NDST3: variants seen among roughly 807,000 people sequenced by gnomAD.
NDST3 encodes the protein N-deacetylase and N-sulfotransferase 3.
Under a neutral mutation model 96.1 loss-of-function variants are expected in NDST3, and 58 were observed. The ratio of observed to expected loss-of-function variants is 0.60; its 90% CI spans 0.49 to 0.75. The LOEUF (loss-of-function observed/expected upper bound fraction) is 0.75, where lower values mean the gene tolerates loss of function less well. Ranked by LOEUF, NDST3 falls within the 30% of genes least tolerant of loss-of-function variation. The pLI is 0.00. For synonymous variants in NDST3, 333 were observed against 359.7 expected (o/e 0.93, Z 0.84); for missense variants, 788 against 1,034.2 (o/e 0.76, Z 3.27).
intron 6 of NDST3, among the ~76,000 whole-genome samples, chr4:118,221,160 A>C (rs912421007): frequency 2.6e-5 from 4 of 152,040 alleles, no homozygotes; most frequent in African/African-American, 9.7e-5. Context: ...TTTTGAACCT[A>C]TGGTCACCCA....
intron 11 of NDST3, among the ~76,000 whole-genome samples, chr4:118,241,332 G>A (rs1368812082): frequency 2.0e-5 from 3 of 152,202 alleles, no homozygotes; most frequent in Non-Finnish European, 4.4e-5. Context: ...AGACCCAGCA[G>A]CTATAGAACA....
At chr4:118,137,310 AC>A (rs1172273891) in intron 4 of NDST3, among the ~76,000 whole-genome samples, 1 of 152,230 alleles carries the variant, frequency 6.6e-6, no homozygotes, top group East Asian at 1.9e-4. Context: ...TCTAAAAGAC[AC>A]GTTTCATTTT....
intron 6 of NDST3, 91 bp downstream of exon 6, chr4:118,143,775 A>G (rs1241073015): frequency 5.9e-6 from 8 of 1,364,806 alleles, no homozygotes; most frequent in Non-Finnish European, 7.8e-6. Flanking sequence ...GGCAGTCATC[A>G]GCCAAGCCAA....
At chr4:118,186,274 T>TA (rs1368494529) in intron 6 of NDST3, among the ~76,000 whole-genome samples, 3 of 152,162 alleles carry the variant, frequency 2.0e-5, no homozygotes, top group Non-Finnish European at 2.9e-5. Context: ...TAATTTTCTT[T>TA]AAAAAAATTC....
intron 6 of NDST3, among the ~76,000 whole-genome samples, chr4:118,177,162 G>C (rs1428122129): frequency 2.0e-5 from 3 of 151,946 alleles, no homozygotes; most frequent in Non-Finnish European, 2.9e-5. Context: ...AGTCTCACAG[G>C]GTTGTGGCAA....
At chr4:118,158,967 A>C (rs1381486057) in intron 6 of NDST3, among the ~76,000 whole-genome samples, 1 of 152,192 alleles carries the variant, frequency 6.6e-6, no homozygotes, top group Non-Finnish European at 1.5e-5. Flanking sequence ...AACCAGCTGC[A>C]TAGAGGCCAG....
At chr4:118,058,594 A>AGTGTGTGTGT (rs59628763) in intron 2 of NDST3, among the ~76,000 whole-genome samples, 12 of 81,050 alleles carry the variant, frequency 1.5e-4, no homozygotes, top group Admixed American at 5.4e-4. Context: ...AGTCAGGAAA[A>AGTGTGTGTGT]GTGTGTGTGT....
intron 6 of NDST3, 62 bp downstream of exon 6, chr4:118,143,746 G>A: frequency 1.3e-6 from 2 of 1,523,682 alleles, no homozygotes; most frequent in Non-Finnish European, 1.8e-6. Context: ...AATTACCCTG[G>A]CAAAGAGGCT....
chr4:118,205,478 T>C (rs1363762340), intron 6 of NDST3, among the ~76,000 whole-genome samples: 1 of 144,856 alleles, frequency 6.9e-6, no homozygotes, highest in Non-Finnish European at 1.5e-5. Flanking sequence ...TGTGCTCTAA[T>C]ACATTGACAC....
intron 4 of NDST3, among the ~76,000 whole-genome samples, chr4:118,117,933 G>A (rs965085753): frequency 6.6e-6 from 1 of 152,090 alleles, no homozygotes; most frequent in Non-Finnish European, 1.5e-5. Context: ...GAACTCACAG[G>A]GCAACTTTTC....
At chr4:118,060,007 T>A (rs1468282041) in intron 2 of NDST3, among the ~76,000 whole-genome samples, 1 of 152,124 alleles carries the variant, frequency 6.6e-6, no homozygotes, top group African/African-American at 2.4e-5. Flanking sequence ...ATTTACTTTA[T>A]AACTGGATAC....
At chr4:118,121,155 T>C (rs539860232) in intron 4 of NDST3, among the ~76,000 whole-genome samples, 2 of 152,326 alleles carry the variant, frequency 1.3e-5, no homozygotes, top group East Asian at 3.9e-4. Flanking sequence ...CTTTATATCT[T>C]TCCTAGCTTT....
At chr4:118,162,188 C>G (rs952349082) in intron 6 of NDST3, among the ~76,000 whole-genome samples, 1 of 152,108 alleles carries the variant, frequency 6.6e-6, no homozygotes, top group African/African-American at 2.4e-5. Context: ...AGGTAATTTA[C>G]AGATTCAATG....
At chr4:118,201,543 T>G (rs1738087015) in intron 6 of NDST3, among the ~76,000 whole-genome samples, 1 of 152,268 alleles carries the variant, frequency 6.6e-6, no homozygotes, top group Admixed American at 6.5e-5. Flanking sequence ...TTAGTGATGC[T>G]GAGCATTTTT....
Position 118,212,739 on chromosome 4 carries a change from G to A in NDST3, c.1540-11752G>A, listed in dbSNP as rs1738886641. Among the ~76,000 whole-genome samples, 3 of 152,086 alleles carry A rather than the reference G, an allele frequency of 2.0e-5. No individual in the cohort carries two copies. The South Asian group carries it at 6.2e-4, about 32-fold the overall frequency. ...TGGCTGACTTATTTTTTCTATACAT[G>A]AGGAAAGAACCAAATGAGCTCCAAA... On this transcript the variant is annotated intron_variant, in intron 6 of 13. Transcript: ENST00000296499.
chr4:118,176,505 C>T lies in NDST3; in HGVS notation c.1539+32821C>T, dbSNP rs562961140. ...CTTCTCAACCTGGGAGAATTAAGCC[C>T]TAATGCTCTTATGAATCCATTGCAC... On this transcript the variant is annotated intron_variant, in intron 6 of 13. Coordinates refer to ENST00000296499, the MANE Select transcript of NDST3 (RefSeq NM_004784.3). Among the ~76,000 whole-genome samples the T allele has an allele frequency of 4.7e-4, 72 of 152,188 alleles. 1 individual carries two copies. Among genetic ancestry groups the T allele is most frequent in the Non-Finnish European group, 9.0e-4 (61 of 67,982 alleles).
At chr4:118,215,503 C>G (rs781469169) in intron 6 of NDST3, among the ~76,000 whole-genome samples, 1 of 152,062 alleles carries the variant, frequency 6.6e-6, no homozygotes, top group Non-Finnish European at 1.5e-5. Flanking sequence ...GTAAAGTCAG[C>G]ACCTGAGTAC....
chr4:118,165,895 T>A (rs967780610), intron 6 of NDST3, among the ~76,000 whole-genome samples: 3 of 151,844 alleles, frequency 2.0e-5, no homozygotes, highest in African/African-American at 7.2e-5. Flanking sequence ...CCAAAACTTA[T>A]GGAATGCAAC....
intron 5 of NDST3, among the ~76,000 whole-genome samples, chr4:118,142,442 A>G (rs954544944): frequency 5.9e-5 from 9 of 151,884 alleles, no homozygotes; most frequent in Non-Finnish European, 1.3e-4. Context: ...CATTCAAACT[A>G]AAATAAAAAA....
Sources: allele counts gnomAD v4.1 joint callset (sites outside exome capture counted in the v4.1 genomes callset), GRCh38; gene constraint gnomAD v4.1.1; transcripts MANE v1.5; gene names NCBI Gene and HGNC (gene_info 2026-07-23, HGNC 2026-07-21).